Variants in PFKFB3 observed in about 807,000 individuals in gnomAD.
PFKFB3 encodes the protein 6-phosphofructo-2-kinase/fructose-2,6-bisphosphatase 3.
Under a neutral mutation model 68.0 loss-of-function variants are expected in PFKFB3, and 33 were observed. The ratio of observed to expected loss-of-function variants is 0.49; its 90% confidence interval spans 0.37 to 0.65. The LOEUF (loss-of-function observed/expected upper bound fraction) is 0.65, where lower values mean the gene tolerates loss of function less well. Ranked by LOEUF, PFKFB3 falls within the 30% of genes least tolerant of loss-of-function variation. The pLI, the probability that PFKFB3 is intolerant of heterozygous loss-of-function variation, is 0.00. For synonymous variants in PFKFB3, 315 were observed against 288.2 expected (o/e 1.09, Z -0.94); for missense variants, 586 against 712.2 (o/e 0.82, Z 2.02).
chr10:6,176,840 G>A (rs1842488093), intron 1 of PFKFB3, among the ~76,000 whole-genome samples: 1 of 152,176 alleles, frequency 6.6e-6, no homozygotes, highest in Non-Finnish European at 1.5e-5. Flanking sequence ...ATGAGATCGT[G>A]GTTTTCAGAT....
At chr10:6,230,239 C>T (rs974046004) in intron 14 of PFKFB3, among the ~76,000 whole-genome samples, 3 of 152,156 alleles carry the variant, frequency 2.0e-5, no homozygotes, top group Admixed American at 6.5e-5. Context: ...CCCATTGTCC[C>T]GTCCATCCTG....
At chr10:6,278,801 A>G in the PFKFB3 span, among the ~76,000 whole-genome samples, 3 of 152,142 alleles carry the variant, frequency 2.0e-5, no homozygotes, top group African/African-American at 7.2e-5. Flanking sequence ...TCGTTTAAGG[A>G]ATGAATAGAC....
chr10:6,246,906 A>G (rs4750167), intron 14 of PFKFB3, among the ~76,000 whole-genome samples: 120,415 of 152,132 alleles, frequency 0.79, 48,781 homozygotes, highest in Non-Finnish European at 0.88. Context: ...TTTACAAGTT[A>G]GGTGCCGAAG....
intron 1 of PFKFB3, among the ~76,000 whole-genome samples, chr10:6,179,697 C>T (rs1211767338): frequency 6.6e-6 from 1 of 152,148 alleles, no homozygotes; most frequent in African/African-American, 2.4e-5. Flanking sequence ...CACTGGTAAA[C>T]CAAGGTGCCA....
the PFKFB3 span, among the ~76,000 whole-genome samples, chr10:6,316,560 C>T: frequency 6.6e-6 from 1 of 152,180 alleles, no homozygotes; most frequent in Non-Finnish European, 1.5e-5. Flanking sequence ...CTCACTGCAA[C>T]CTCTGCCTCC....
intron 1 of PFKFB3, chr10:6,149,707 G>A: frequency 6.2e-6 from 1 of 160,138 alleles, no homozygotes. Flanking sequence ...CTAGGTGGGT[G>A]TCCCCTTCCT....
the PFKFB3 span, among the ~76,000 whole-genome samples, chr10:6,282,737 G>A: frequency 2.6e-5 from 4 of 152,088 alleles, no homozygotes; most frequent in South Asian, 2.1e-4. Flanking sequence ...AGGAGAAGAC[G>A]ATTCAGAGGT....
At chr10:6,202,031 C>T (rs1245516692), upstream of PFKFB3, among the ~76,000 whole-genome samples, 1 of 152,190 alleles carries the variant, frequency 6.6e-6, no homozygotes, top group Non-Finnish European at 1.5e-5. Context: ...AGGGGCCGCC[C>T]CCAATAGTTT....
In PFKFB3 at chr10:6,203,325, C is replaced by G. The variant is rs1319219246; in HGVS notation, c.65C>G (p.Ser22Trp). ...KIWVPVDHRP[S>W]LPRSCGPKLT... Reference sequence around the variant, plus strand: ...TGGGTGCCCGTGGACCACAGGCCCTCGTTGCCCAGATGTGAGTGCAGCTGC... The same window carrying G: ...TGGGTGCCCGTGGACCACAGGCCCTGGTTGCCCAGATGTGAGTGCAGCTGC... Residue 22 changes from serine (S) to tryptophan (W), a missense_variant, in exon 1 of 15, where the codon TCG becomes TGG. Transcript: ENST00000379775. 6.2e-7 allele frequency: 1 copy of G among 1,608,270 alleles called. No individual in the cohort carries two copies. Among genetic ancestry groups the G allele is most frequent in the African/African-American group, 1.3e-5 (1 of 74,232 alleles).
At chr10:6,175,883 C>G (rs1428674575) in intron 1 of PFKFB3, among the ~76,000 whole-genome samples, 1 of 152,234 alleles carries the variant, frequency 6.6e-6, no homozygotes, top group Admixed American at 6.5e-5. Flanking sequence ...GTGACTCACA[C>G]CAACTCTCAT....
intron 1 of PFKFB3, among the ~76,000 whole-genome samples, chr10:6,172,543 T>C (rs534851399): frequency 1.3e-5 from 2 of 152,334 alleles, no homozygotes; most frequent in South Asian, 4.1e-4. Context: ...ACCGGGGTGC[T>C]GAATGATTAA....
At chr10:6,276,139 T>C in the PFKFB3 span, among the ~76,000 whole-genome samples, 3 of 152,176 alleles carry the variant, frequency 2.0e-5, no homozygotes, top group Non-Finnish European at 4.4e-5. Flanking sequence ...CTTTGTTTGC[T>C]TGGAGTGGAT....
the PFKFB3 span, among the ~76,000 whole-genome samples, chr10:6,306,267 T>A: frequency 5.3e-5 from 8 of 152,228 alleles, no homozygotes; most frequent in Non-Finnish European, 8.8e-5. Context: ...ATGATGATTC[T>A]AGGCTTTGTC....
intron 14 of PFKFB3, chr10:6,231,200 A>T: frequency 8.6e-7 from 1 of 1,165,644 alleles, no homozygotes; most frequent in Non-Finnish European, 1.3e-6. Context: ...ATCCTACTAA[A>T]GATTTTCTTT....
intron 1 of PFKFB3, among the ~76,000 whole-genome samples, chr10:6,189,234 C>G (rs927021959): frequency 6.6e-6 from 1 of 152,156 alleles, no homozygotes; most frequent in African/African-American, 2.4e-5. Context: ...GTTGCTTTAC[C>G]TGTTTGCTAT....
intron 14 of PFKFB3, among the ~76,000 whole-genome samples, chr10:6,242,785 G>A (rs1206976086): frequency 8.5e-5 from 13 of 152,100 alleles, no homozygotes; most frequent in Admixed American, 5.9e-4. Context: ...ACAGGGTTTC[G>A]CCATATTGGC....
intron 1 of PFKFB3, chr10:6,146,453 G>A (rs1227423015): frequency 1.3e-6 from 2 of 1,535,538 alleles, no homozygotes; most frequent in Admixed American, 2.0e-5. Context: ...AGCTGGACAC[G>A]TTTAGTCCCA....
In PFKFB3 at chr10:6,220,749, C is replaced by G; in HGVS notation, c.715C>G (p.Leu239Val). 6.2e-7 allele frequency: 1 copy of G among 1,614,106 alleles called. No homozygotes were observed. The highest frequency in any genetic ancestry group is 8.5e-7 in the Non-Finnish European group (1 of 1,179,994). ...CATCCAGAGCCGCATCGTGTACTAC[C>G]TGATGAACATCCACGTGCAGCCGCG... Reference protein sequence around the residue: ...DHIQSRIVYYLMNIHVQPRTI... With the variant: ...DHIQSRIVYYVMNIHVQPRTI... Residue 239 changes from leucine (L) to valine (V), a missense_variant, in exon 8 of 15, where the codon CTG (leucine) becomes GTG (valine). Coordinates refer to ENST00000379775, the MANE Select transcript of PFKFB3 (RefSeq NM_004566.4). This position sits in a 1 kb window ranked among gnomAD's most constrained non-coding sequence, Gnocchi z 4.1.
chr10:6,194,822 C>T (rs572746014), intron 1 of PFKFB3, among the ~76,000 whole-genome samples: 2 of 152,216 alleles, frequency 1.3e-5, no homozygotes, highest in East Asian at 3.9e-4. Context: ...GCATAGAACA[C>T]CAACACTCTT....
Sources: gnomAD v4.1 joint callset for allele counts (sites outside exome capture counted in the v4.1 genomes callset) on GRCh38, gnomAD v4.1.1 for gene constraint, Gnocchi (gnomAD v3.1) non-coding constraint, MANE v1.5 for transcripts, NCBI Gene and HGNC (gene_info 2026-07-23, HGNC 2026-07-21) for gene names.